ZNF703: variants seen among roughly 807,000 people sequenced by gnomAD.
ZNF703 encodes the protein NocA-like zinc finger 1.
Under a neutral mutation model 30.7 loss-of-function variants are expected in ZNF703, and 18 were observed. The observed-to-expected ratio is 0.59, with a 90% confidence interval of 0.40 to 0.87. The LOEUF is 0.87. Ranked by LOEUF, ZNF703 falls within the 40% of genes least tolerant of loss-of-function variation. The pLI is 0.00. For missense variants in ZNF703, 814 were observed against 847.8 expected, an observed-to-expected ratio of 0.96 and a Z score of 0.50; for synonymous variants, 457 against 438.6, an observed-to-expected ratio of 1.04 and a Z score of -0.52.
In ZNF703 at chr8:37,697,126, C is replaced by T; in HGVS notation, c.244-19C>T. 1 of 1,520,368 alleles carries T rather than the reference C, an allele frequency of 6.6e-7. No homozygotes were observed. Among genetic ancestry groups the T allele is most frequent in the Non-Finnish European group, 8.8e-7 (1 of 1,139,646 alleles). 94.2% of individuals were successfully genotyped at this position (1,520,368 alleles called of 1,614,324 possible). ...TGAGTCTCACTCCTTCTCCCTCCCC[C>T]TGCTTCTGTCTCCCACAGCTGGACG... On this transcript the variant is annotated intron_variant, in intron 1 of 1. Coordinates refer to ENST00000331569, the MANE Select transcript of ZNF703 (RefSeq NM_025069.3).
chr8:37,696,311 C>T lies in ZNF703; in HGVS notation c.243+89C>T. On this transcript the variant is annotated intron_variant, in intron 1 of 1. Transcript: ENST00000331569. This position sits in a 1 kb window ranked among gnomAD's most constrained non-coding sequence, Gnocchi z 8.2. ...ACCCAGCTCCCAGCGCCCCGGGGCT[C>T]GGTGCGACACCCAAGTCTGGTCACG... 4 of 1,464,442 alleles carry T rather than the reference C, an allele frequency of 2.7e-6. No individual in the cohort carries two copies. Among genetic ancestry groups the T allele is most frequent in the Non-Finnish European group, 2.7e-6 (3 of 1,106,370 alleles). 90.7% of individuals were successfully genotyped at this position (1,464,442 alleles called of 1,614,324 possible).
In ZNF703 at chr8:37,696,235, CCGCTGCCCCCGGG is replaced by C. The variant is rs765493731; in HGVS notation, c.243+17_243+29del. On this transcript the variant is annotated intron_variant, in intron 1 of 1. Coordinates refer to ENST00000331569, the MANE Select transcript of ZNF703 (RefSeq NM_025069.3). The surrounding 1 kb of genome is among the most constrained non-coding windows in gnomAD (Gnocchi z 8.2). ...CAGCCCCATTGAGGTCAGTCCCCGG[CCGCTGCCCCCGGG>C]CGCCGGCCCCATTCCTCCCACCGCG... 8.3e-6 allele frequency: 13 copies of C among 1,574,542 alleles called. No individual in the cohort carries two copies. The African/African-American group carries it at 1.8e-4, about 22-fold the overall frequency.
At position 37,697,465 on chromosome 8, in the gene ZNF703, C is replaced by T; in HGVS notation, c.564C>T (p.Asp188=). The T allele has an allele frequency of 1.9e-6, 3 of 1,539,748 alleles. No individual in the cohort carries two copies. The highest frequency in any genetic ancestry group is 2.0e-5 in the Admixed American group (1 of 50,716). Residue 188 remains aspartate, a synonymous_variant, in exon 2 of 2, where the codon GAC becomes GAT. Transcript: ENST00000331569. ...CCTCGTCCTCCTCGTCCCCGGGAGACAAGGCGGGCTTCAGGGTCCCCAGCG... is the reference window on the plus strand; with the variant it reads ...CCTCGTCCTCCTCGTCCCCGGGAGATAAGGCGGGCTTCAGGGTCCCCAGCG... ...TSSSSSSSPG[D]KAGFRVPSAA...
rs773368852 is a variant in ZNF703 at position 37,695,929 on chromosome 8, C to T, written c.-51C>T. On this transcript the variant is annotated 5_prime_UTR_variant, in exon 1 of 2. Transcript: ENST00000331569. ...CCCACCCGCCCCGGGAGCTCGCCTCCCCGGTGCTCCCCCGCCCTCCCCGCC... is the reference window on the plus strand; with the variant it reads ...CCCACCCGCCCCGGGAGCTCGCCTCTCCGGTGCTCCCCCGCCCTCCCCGCC... 3 of 1,395,926 alleles carry T rather than the reference C, an allele frequency of 2.1e-6. No individual in the cohort carries two copies. The highest frequency in any genetic ancestry group is 3.0e-5 in the South Asian group (2 of 66,710). 86.5% of individuals were successfully genotyped at this position (1,395,926 alleles called of 1,614,324 possible).
intron 1 of ZNF703, 138 bp from the exon 2 acceptor site, chr8:37,697,007 C>G (rs1474642443): frequency 1.4e-5 from 15 of 1,078,228 alleles, no homozygotes; most frequent in Non-Finnish European, 1.8e-5. Context: ...GCGCCCGGCC[C>G]GGCCCTCGCT....
At position 37,698,213 on chromosome 8, in the gene ZNF703, C is replaced by G. The variant is rs1313179753; in HGVS notation, c.1312C>G (p.Pro438Ala). Residue 438 changes from proline (P) to alanine (A), a missense_variant, in exon 2 of 2, where the codon CCC becomes GCC. Coordinates refer to ENST00000331569, the MANE Select transcript of ZNF703 (RefSeq NM_025069.3). ...GTCCAGCGCCGCCCAGGCCGCGCTCCCCGGCCACCCGCTCTACACCTACGG... is the reference window on the plus strand; with the variant it reads ...GTCCAGCGCCGCCCAGGCCGCGCTCGCCGGCCACCCGCTCTACACCTACGG... ...LSSSAAQAAL[P>A]GHPLYTYGFM... is the part of the protein sequence containing the mutation. 2 of 1,521,948 alleles carry G rather than the reference C, an allele frequency of 1.3e-6. No individual in the cohort carries two copies. The highest frequency in any genetic ancestry group is 2.5e-5 in the East Asian group (1 of 39,766). 94.3% of individuals were successfully genotyped at this position (1,521,948 alleles called of 1,614,324 possible).
In ZNF703 at chr8:37,697,483, C is replaced by T. The variant is rs766719458; in HGVS notation, c.582C>T (p.Val194=). 13 of 1,536,188 alleles carry T rather than the reference C, an allele frequency of 8.5e-6. No individual in the cohort carries two copies. The African/African-American group carries it at 1.7e-4, about 20-fold the overall frequency. The change falls in exon 2 of 2, where the codon GTC becomes GTT. Residue 194 remains valine, a synonymous_variant. Transcript: ENST00000331569. The part of the protein sequence containing the change: ...SSPGDKAGFR[V]PSAACPPFPP... ...CGGGAGACAAGGCGGGCTTCAGGGT[C>T]CCCAGCGCCGCCTGCCCGCCCTTTC...
Position 37,698,947 on chromosome 8 carries a change from T to G in ZNF703, c.*273T>G. On this transcript the variant is annotated 3_prime_UTR_variant, in exon 2 of 2. Transcript: ENST00000331569. ...ATTAATCCCACAAATAACGACATGATCCCCGCCCCTGTTCCTTTCTGTTAT... is the reference window on the plus strand; with the variant it reads ...ATTAATCCCACAAATAACGACATGAGCCCCGCCCCTGTTCCTTTCTGTTAT... 1 of 364,400 alleles carries G rather than the reference T, an allele frequency of 2.7e-6. No individual in the cohort carries two copies. The allele number at this position is 364,400 out of a possible 1,614,324, so 22.6% of individuals were successfully genotyped here.
chr8:37,698,167 G>C lies in ZNF703; in HGVS notation c.1266G>C (p.Pro422=). Residue 422 remains proline (P), a synonymous_variant, in exon 2 of 2, where the codon CCG becomes CCC. Coordinates refer to ENST00000331569, the MANE Select transcript of ZNF703 (RefSeq NM_025069.3). ...GGYPLVYPGH[P]LQPAALSSSA... ...ACCCGCTGGTGTACCCCGGGCACCC[G>C]CTGCAGCCCGCCGCGCTCTCGTCCA... 1 of 1,513,848 alleles carries C rather than the reference G, an allele frequency of 6.6e-7. No homozygotes were observed. Among genetic ancestry groups the C allele is most frequent in the Non-Finnish European group, 8.8e-7 (1 of 1,133,872 alleles). 93.8% of individuals were successfully genotyped at this position (1,513,848 alleles called of 1,614,324 possible).
At position 37,697,710 on chromosome 8, in the gene ZNF703, G is replaced by A. The variant is rs1802095834; in HGVS notation, c.809G>A (p.Gly270Asp). The change falls in exon 2 of 2, where the codon GGT becomes GAT. Residue 270 changes from glycine (G) to aspartate (D), a missense_variant. Coordinates refer to ENST00000331569, the MANE Select transcript of ZNF703 (RefSeq NM_025069.3). ...RGGGGEPGAH[G>D]GAESGASGRK... Reference sequence around the variant, plus strand: ...GGCGGTGGGGAGCCCGGGGCGCACGGTGGCGCCGAGTCCGGGGCCTCCGGG... The same window carrying A: ...GGCGGTGGGGAGCCCGGGGCGCACGATGGCGCCGAGTCCGGGGCCTCCGGG... 3 of 1,366,626 alleles carry A rather than the reference G, an allele frequency of 2.2e-6. No individual in the cohort carries two copies. The highest frequency in any genetic ancestry group is 4.0e-5 in the Admixed American group (1 of 25,124). 84.7% of individuals were successfully genotyped at this position (1,366,626 alleles called of 1,614,324 possible). A position where few individuals can be genotyped will look rare whatever the true frequency, so the allele number is the denominator to read the frequency against.
In ZNF703 at chr8:37,698,725, T is replaced by G; in HGVS notation, c.*51T>G. The G allele has an allele frequency of 8.0e-7, 1 of 1,255,224 alleles. No individual in the cohort carries two copies. The highest frequency in any genetic ancestry group is 2.2e-5 in the African/African-American group (1 of 45,356). 77.8% of individuals were successfully genotyped at this position (1,255,224 alleles called of 1,614,324 possible). A position where few individuals can be genotyped will look rare whatever the true frequency, so the allele number is the denominator to read the frequency against. ...CCCTCACCCTCCTCCCTCTCCCTCC[T>G]CCTCCCTCCCCACCTGCCGTCGCCG... On this transcript the variant is annotated 3_prime_UTR_variant, in exon 2 of 2. Transcript: ENST00000331569.
Position 37,696,126 on chromosome 8 carries a change from G to T in ZNF703, c.147G>T (p.Pro49=). 6.2e-7 allele frequency: 1 copy of T among 1,610,622 alleles called. No homozygotes were observed. Among genetic ancestry groups the T allele is most frequent in the Non-Finnish European group, 8.5e-7 (1 of 1,178,948 alleles). ...CCCTGCGCCAGGCGAACCGGCTCCC[G>T]ATCAGGGTCCTGAAGATGCTGAGCG... is the stretch of plus-strand genomic sequence containing the variant. The part of the protein sequence containing the change: ...ADPLRQANRL[P]IRVLKMLSAH... The change falls in exon 1 of 2, where the codon CCG becomes CCT. Residue 49 remains proline (P), a synonymous_variant. Coordinates refer to ENST00000331569, the MANE Select transcript of ZNF703 (RefSeq NM_025069.3). This position sits in a 1 kb window ranked among gnomAD's most constrained non-coding sequence, Gnocchi z 8.2.
chr8:37,695,937 T>TCCCCCCCC lies in ZNF703; in HGVS notation c.-38_-37insCCCCCCCC. On this transcript the variant is annotated 5_prime_UTR_variant, in exon 1 of 2. Transcript: ENST00000331569. Reference sequence around the variant, plus strand: ...CCCCGGGAGCTCGCCTCCCCGGTGCTCCCCCGCCCTCCCCGCCCCCCCAGC... The same window carrying TCCCCCCCC: ...CCCCGGGAGCTCGCCTCCCCGGTGCTCCCCCCCCCCCCCGCCCTCCCCGCCCCCCCAGC... The TCCCCCCCC allele has an allele frequency of 2.2e-6, 3 of 1,376,758 alleles. No individual in the cohort carries two copies. Among genetic ancestry groups the TCCCCCCCC allele is most frequent in the South Asian group, 3.0e-5 (2 of 67,028 alleles). 85.3% of individuals were successfully genotyped at this position (1,376,758 alleles called of 1,614,324 possible).
In ZNF703 at chr8:37,698,642, C is replaced by T. The variant is rs763669147; in HGVS notation, c.1741C>T (p.Leu581=). ...YSPYALYGQR[L]ASASALGYQ ...GCCATACGCGCTGTATGGACAGAGA[C>T]TAGCTTCAGCCTCGGCGCTGGGATA... Residue 581 remains leucine (L), a synonymous_variant, in exon 2 of 2, where the codon CTA becomes TTA. Coordinates refer to ENST00000331569, the MANE Select transcript of ZNF703 (RefSeq NM_025069.3). 1 of 1,498,184 alleles carries T rather than the reference C, an allele frequency of 6.7e-7. No homozygotes were observed. Among genetic ancestry groups the T allele is most frequent in the South Asian group, 1.3e-5 (1 of 74,896 alleles). The allele number at this position is 1,498,184 out of a possible 1,614,324, so 92.8% of individuals were successfully genotyped here. A position where few individuals can be genotyped will look rare whatever the true frequency, so the allele number is the denominator to read the frequency against.
rs1802058403 is a variant in ZNF703 at position 37,695,900 on chromosome 8, C to A, written c.-80C>A. On this transcript the variant is annotated 5_prime_UTR_variant, in exon 1 of 2. Transcript: ENST00000331569. ...CTGCACCGCGATCGACGCTGCGGAG[C>A]GAGCCCACCCGCCCCGGGAGCTCGC... is the stretch of plus-strand genomic sequence containing the variant. 3.1e-6 allele frequency: 4 copies of A among 1,292,990 alleles called. 1 individual carries two copies. The highest frequency in any genetic ancestry group is 5.6e-4 in the Middle Eastern group (2 of 3,564). 80.1% of individuals were successfully genotyped at this position (1,292,990 alleles called of 1,614,324 possible). A position where few individuals can be genotyped will look rare whatever the true frequency, so the allele number is the denominator to read the frequency against.
rs1241704479 is a variant in ZNF703 at position 37,695,955 on chromosome 8, C to G, written c.-25C>G. ...CCGGTGCTCCCCCGCCCTCCCCGCCCCCCCAGCGGCGCTGCCTCCTCCAAA... is the reference window on the plus strand; with the variant it reads ...CCGGTGCTCCCCCGCCCTCCCCGCCGCCCCAGCGGCGCTGCCTCCTCCAAA... On this transcript the variant is annotated 5_prime_UTR_variant, in exon 1 of 2. Transcript: ENST00000331569. The G allele has an allele frequency of 6.8e-7, 1 of 1,472,142 alleles. No homozygotes were observed. Among genetic ancestry groups the G allele is most frequent in the Non-Finnish European group, 9.0e-7 (1 of 1,110,136 alleles). The allele number at this position is 1,472,142 out of a possible 1,614,324, so 91.2% of individuals were successfully genotyped here. A position where few individuals can be genotyped will look rare whatever the true frequency, so the allele number is the denominator to read the frequency against.
At position 37,699,357 on chromosome 8, in the gene ZNF703, C is replaced by G. The variant is rs1234867245; in HGVS notation, c.*683C>G. ...TGGTACACTGCTCCGGGACTCCTCC[C>G]CCGCCACCCTCCGCGCATAGGGTCC... On this transcript the variant is annotated 3_prime_UTR_variant, in exon 2 of 2. Coordinates refer to ENST00000331569, the MANE Select transcript of ZNF703 (RefSeq NM_025069.3). The G allele has an allele frequency of 6.6e-6, 1 of 152,454 alleles. No homozygotes were observed. Among genetic ancestry groups the G allele is most frequent in the East Asian group, 1.9e-4 (1 of 5,182 alleles). The allele number at this position is 152,454 out of a possible 1,614,324, so 9.4% of individuals were successfully genotyped here.
At chr8:37,697,012 C>T in intron 1 of ZNF703, 133 bp from the exon 2 acceptor site, 1 of 1,122,230 alleles carries the variant, frequency 8.9e-7, no homozygotes, top group Non-Finnish European at 1.1e-6. Context: ...CGGCCCGGCC[C>T]TCGCTCGCAG....
At position 37,697,995 on chromosome 8, in the gene ZNF703, G is replaced by T; in HGVS notation, c.1094G>T (p.Gly365Val). Residue 365 changes from glycine to valine, a missense_variant, in exon 2 of 2, where the codon GGG (glycine) becomes GTG (valine). Physicochemically the swap from Gly to Val is moderately radical, Grantham distance 109. Coordinates refer to ENST00000331569, the MANE Select transcript of ZNF703 (RefSeq NM_025069.3). ...GKPPSSSPLTGASPPSFLQGL... is the reference protein window; with the variant it reads ...GKPPSSSPLTVASPPSFLQGL... ...CCCCCCAGCTCCAGCCCGCTCACCGGGGCCTCCCCGCCCTCCTTCCTGCAG... is the reference window on the plus strand; with the variant it reads ...CCCCCCAGCTCCAGCCCGCTCACCGTGGCCTCCCCGCCCTCCTTCCTGCAG... 1 of 1,559,516 alleles carries T rather than the reference G, an allele frequency of 6.4e-7. No homozygotes were observed. Among genetic ancestry groups the T allele is most frequent in the African/African-American group, 1.4e-5 (1 of 73,984 alleles).
Sources: allele counts gnomAD v4.1 joint callset, GRCh38; gene constraint gnomAD v4.1.1; non-coding constraint Gnocchi (gnomAD v3.1); transcripts MANE v1.5; gene names NCBI Gene and HGNC (gene_info 2026-07-23, HGNC 2026-07-21).